IGHMBP2: variants seen among roughly 807,000 people sequenced by gnomAD.
The protein encoded by IGHMBP2 is DNA-binding protein SMUBP-2.
IGHMBP2 carries 81 observed loss-of-function variants against 96.0 expected under a neutral mutation model. The observed-to-expected ratio is 0.84, with a 90% CI of 0.71 to 1.01. IGHMBP2 has a LOEUF of 1.01. IGHMBP2 is among the 50% of genes least tolerant of loss of function. The probability of loss-of-function intolerance (pLI) is 0.00; values close to 1 mark genes in which losing one functional copy is unlikely to be tolerated. For synonymous variants in IGHMBP2, 557 were observed against 548.9 expected (o/e 1.01, Z -0.21); for missense variants, 1,227 against 1,306.3 (o/e 0.94, Z 0.94).
chr11:68,932,125 G>A lies in IGHMBP2; in HGVS notation c.1236-1174G>A, dbSNP rs555736130. ...GAGTAGGATGGTTTCGGGGGAAGAC[G>A]TTGGGTGGCATTCCCTGGAGAGAGT... On this transcript the variant is annotated intron_variant, in intron 8 of 14. Coordinates refer to ENST00000255078, the MANE Select transcript of IGHMBP2 (RefSeq NM_002180.3). Among the ~76,000 whole-genome samples, 103 of 147,888 alleles carry A rather than the reference G, an allele frequency of 7.0e-4. 3 individuals carry two copies. In the South Asian group the frequency reaches 0.022, roughly 31 times the overall value.
At chr11:68,910,386 G>A (rs769837296) in intron 4 of IGHMBP2, among the ~76,000 whole-genome samples, 1 of 152,240 alleles carries the variant, frequency 6.6e-6, no homozygotes, top group Non-Finnish European at 1.5e-5. Flanking sequence ...GCACGGGAAC[G>A]TGGGGTTCAA....
chr11:68,911,912 G>C (rs552961667), intron 5 of IGHMBP2, among the ~76,000 whole-genome samples: 1 of 152,194 alleles, frequency 6.6e-6, no homozygotes, highest in Non-Finnish European at 1.5e-5. Context: ...TGCTGTGCTC[G>C]TGCTCCTCCG....
At position 68,936,484 on chromosome 11, in the gene IGHMBP2, A is replaced by G; in HGVS notation, c.2004A>G (p.Gly668=). 6.2e-7 allele frequency: 1 copy of G among 1,613,804 alleles called. No individual in the cohort carries two copies. The highest frequency in any genetic ancestry group is 8.5e-7 in the Non-Finnish European group (1 of 1,179,988). The change falls in exon 13 of 15, where the codon GGA becomes GGG. Residue 668 remains glycine, a synonymous_variant. Coordinates refer to ENST00000255078, the MANE Select transcript of IGHMBP2 (RefSeq NM_002180.3). The part of the protein sequence containing the change: ...GSSHAATKPQ[G]PATSTRTGSQ... ...GCCACGCTGCCACCAAGCCCCAGGG[A>G]CCTGCTACGTCCACCAGGACCGGAA...
At chr11:68,922,503 C>T (rs1337400563) in intron 7 of IGHMBP2, among the ~76,000 whole-genome samples, 1 of 151,886 alleles carries the variant, frequency 6.6e-6, no homozygotes, top group South Asian at 2.1e-4. Flanking sequence ...TCAAGCGATT[C>T]TTCTGTCTCA....
chr11:68,933,473 C>T lies in IGHMBP2; in HGVS notation c.1410C>T (p.His470=), dbSNP rs1484199036. The T allele has an allele frequency of 9.9e-6, 16 of 1,612,240 alleles. No homozygotes were observed. The highest frequency in any genetic ancestry group is 2.2e-5 in the South Asian group (2 of 90,676). Reference sequence around the variant, plus strand: ...CAGCCCACTCTTCCGTGGCAAGGCACCTCCTGAGGTGAGTAGCTCGGCACC... The same window carrying T: ...CAGCCCACTCTTCCGTGGCAAGGCATCTCCTGAGGTGAGTAGCTCGGCACC... ...QLTAHSSVAR[H]LLRDLPGVAA... is the part of the protein sequence containing the mutation. The change falls in exon 9 of 15, where the codon CAC becomes CAT. Residue 470 remains histidine, a synonymous_variant. Coordinates refer to ENST00000255078, the MANE Select transcript of IGHMBP2 (RefSeq NM_002180.3).
intron 12 of IGHMBP2, among the ~76,000 whole-genome samples, chr11:68,935,903 T>C (rs1354447469): frequency 6.6e-6 from 1 of 152,178 alleles, no homozygotes; most frequent in Non-Finnish European, 1.5e-5. Context: ...CTAGAAGCTA[T>C]GGGGGAAAGA....
At position 68,911,550 on chromosome 11, in the gene IGHMBP2, A is replaced by G; in HGVS notation, c.658A>G (p.Lys220Glu). Residue 220 changes from lysine to glutamate, a missense_variant, in exon 5 of 15, where the codon AAA (lysine) becomes GAA (glutamate). Transcript: ENST00000255078. ...CATCCATGGACCTCCTGGCACTGGGAAAACCACGACTGTGGTTGAGATCAT... is the reference window on the plus strand; with the variant it reads ...CATCCATGGACCTCCTGGCACTGGGGAAACCACGACTGTGGTTGAGATCAT... ...AIIHGPPGTG[K>E]TTTVVEIILQ... 1 of 1,614,120 alleles carries G rather than the reference A, an allele frequency of 6.2e-7. No individual in the cohort carries two copies. The highest frequency in any genetic ancestry group is 1.1e-5 in the South Asian group (1 of 91,088).
In IGHMBP2 at chr11:68,908,079, T is replaced by G. The variant is rs1352954338; in HGVS notation, c.257-66T>G. On this transcript the variant is annotated intron_variant, in intron 2 of 14. Coordinates refer to ENST00000255078, the MANE Select transcript of IGHMBP2 (RefSeq NM_002180.3). The stretch of plus-strand genomic sequence containing the variant: ...TAAAATATTTGAAGTATAGTGGATT[T>G]TATTACAGAAAATGATATTGAAGCT... 1.5e-5 allele frequency: 19 copies of G among 1,258,058 alleles called. No homozygotes were observed. The Admixed American group carries it at 3.2e-4, about 21-fold the overall frequency. The allele number at this position is 1,258,058 out of a possible 1,614,324, so 77.9% of individuals were successfully genotyped here.
At chr11:68,924,408 C>T (rs1036318353) in intron 7 of IGHMBP2, among the ~76,000 whole-genome samples, 14 of 152,248 alleles carry the variant, frequency 9.2e-5, no homozygotes, top group African/African-American at 3.4e-4. Context: ...TATTATTCTA[C>T]AGTTTATCTG....
In IGHMBP2 at chr11:68,911,424, G is replaced by A; in HGVS notation, c.548-16G>A. The A allele has an allele frequency of 6.2e-7, 1 of 1,612,834 alleles. No individual in the cohort carries two copies. Among genetic ancestry groups the A allele is most frequent in the Non-Finnish European group, 8.5e-7 (1 of 1,179,716 alleles). The stretch of plus-strand genomic sequence containing the variant: ...CCCCAGAGCACCTGAGCCTCACGCT[G>A]CTGCTTCTTCCACAGACCCGCTGAC... On this transcript the variant is annotated splice_polypyrimidine_tract_variant and intron_variant, in intron 4 of 14. Transcript: ENST00000255078.
In IGHMBP2 at chr11:68,939,518, C is replaced by G; in HGVS notation, c.2785-16C>G. ...TGCCCCTGTGAGCCCAGCAGTGATTCTTGTGTCCTCCCCAGATCCATGGCT... is the reference window on the plus strand; with the variant it reads ...TGCCCCTGTGAGCCCAGCAGTGATTGTTGTGTCCTCCCCAGATCCATGGCT... On this transcript the variant is annotated splice_polypyrimidine_tract_variant and intron_variant, in intron 14 of 14. Transcript: ENST00000255078. 6.2e-7 allele frequency: 1 copy of G among 1,611,402 alleles called. No individual in the cohort carries two copies. Among genetic ancestry groups the G allele is most frequent in the Non-Finnish European group, 8.5e-7 (1 of 1,179,908 alleles).
intron 7 of IGHMBP2, among the ~76,000 whole-genome samples, chr11:68,925,766 G>GT (rs1018831240): frequency 1.3e-5 from 2 of 152,130 alleles, no homozygotes; most frequent in Non-Finnish European, 2.9e-5. Context: ...CCCTTTGGAC[G>GT]TGTCATTCCA....
chr11:68,915,166 CTTTTTTTTTTTTTTTTT>C (rs71043470), intron 6 of IGHMBP2, 143 bp downstream of exon 6: 122 of 206,078 alleles, frequency 5.9e-4, no homozygotes, highest in Middle Eastern at 1.9e-3. Flanking sequence ...TTGGGCTGCC[CTTTTTTTTTTTTTTTTT>C]TTTTTTTTTT....
Position 68,939,987 on chromosome 11 carries a change from A to C in IGHMBP2, c.*256A>C. The C allele has an allele frequency of 2.0e-6, 1 of 502,972 alleles. No individual in the cohort carries two copies. The highest frequency in any genetic ancestry group is 2.6e-5 in the South Asian group (1 of 38,032). The allele number at this position is 502,972 out of a possible 1,614,324, so 31.2% of individuals were successfully genotyped here. A position where few individuals can be genotyped will look rare whatever the true frequency, so the allele number is the denominator to read the frequency against. ...TGGGAAATGCACGTCCCTTCCCCTT[A>C]CTCCCCGCCAAAACCCACATCCCAG... On this transcript the variant is annotated 3_prime_UTR_variant, in exon 15 of 15. Transcript: ENST00000255078.
intron 1 of IGHMBP2, among the ~76,000 whole-genome samples, chr11:68,904,803 C>CTTTTCTTTTTTTTTTTTTTTTTTT (rs892709461): frequency 7.4e-5 from 9 of 120,990 alleles, no homozygotes; most frequent in African/African-American, 1.2e-4. Context: ...TTTTCTTTTT[C>CTTTTCTTTTTTTTTTTTTTTTTTT]TTTTTTTTTT....
chr11:68,927,832 G>A (rs904307873), intron 7 of IGHMBP2, among the ~76,000 whole-genome samples: 2 of 152,196 alleles, frequency 1.3e-5, no homozygotes, highest in African/African-American at 4.8e-5. Context: ...TTTCAGGAAT[G>A]CCAACCCTGT....
intron 9 of IGHMBP2, 30 bp from the exon 10 acceptor site, chr11:68,933,764 CT>C: frequency 6.4e-7 from 1 of 1,555,278 alleles, no homozygotes; most frequent in East Asian, 2.2e-5. Context: ...CTGTGGCCCC[CT>C]GATGTGCTCC....
chr11:68,933,730 G>C lies in IGHMBP2; in HGVS notation c.1419-65G>C, dbSNP rs1450102618. ...TTTCCTCGTGGGAGGGGTCGGTTCTGTTGGGTGGGGCCTCAGTGCTGCACT... is the reference window on the plus strand; with the variant it reads ...TTTCCTCGTGGGAGGGGTCGGTTCTCTTGGGTGGGGCCTCAGTGCTGCACT... On this transcript the variant is annotated intron_variant, in intron 9 of 14. Coordinates refer to ENST00000255078, the MANE Select transcript of IGHMBP2 (RefSeq NM_002180.3). 3.8e-6 allele frequency: 5 copies of C among 1,328,944 alleles called. No individual in the cohort carries two copies. The Admixed American group carries it at 8.6e-5, about 23-fold the overall frequency. The allele number at this position is 1,328,944 out of a possible 1,614,324, so 82.3% of individuals were successfully genotyped here.
At chr11:68,913,610 G>GCGTCTCACTT (rs1158114298) in intron 5 of IGHMBP2, among the ~76,000 whole-genome samples, 1 of 151,914 alleles carries the variant, frequency 6.6e-6, no homozygotes, top group Non-Finnish European at 1.5e-5. Context: ...TACTTGGCCA[G>GCGTCTCACTT]CGTCTCACTT....
Sources: allele counts gnomAD v4.1 joint callset (sites outside exome capture counted in the v4.1 genomes callset), GRCh38; gene constraint gnomAD v4.1.1; transcripts MANE v1.5; gene names NCBI Gene and HGNC (gene_info 2026-07-23, HGNC 2026-07-21).